DCDC1: variants seen among roughly 807,000 people sequenced by gnomAD.
DCDC1 encodes the protein doublecortin domain containing 1.
A neutral mutation model predicts 178.3 loss-of-function variants in DCDC1; 200 were observed. The observed-to-expected ratio is 1.12, with a 90% CI of 1.00 to 1.26. DCDC1 has a LOEUF of 1.26. Among genes scored for constraint, DCDC1 ranks in the 50% most tolerant of loss-of-function variants. The pLI, the probability that DCDC1 is intolerant of heterozygous loss-of-function variation, is 0.00. For missense variants in DCDC1, 1,983 were observed against 1,749.2 expected (o/e 1.13, Z -2.38); for synonymous variants, 690 against 604.8 (o/e 1.14, Z -2.07).
At chr11:31,035,573 C>T (rs1336432408) in intron 20 of DCDC1, among the ~76,000 whole-genome samples, 1 of 152,224 alleles carries the variant, frequency 6.6e-6, no homozygotes, top group Non-Finnish European at 1.5e-5. Flanking sequence ...CCCTTCTCAT[C>T]CCATCGTCTC....
chr11:31,265,870 C>A (rs1451853492), intron 7 of DCDC1, among the ~76,000 whole-genome samples: 1 of 148,734 alleles, frequency 6.7e-6, no homozygotes, highest in Non-Finnish European at 1.5e-5. Context: ...TATTTAATAT[C>A]TATTATTTAT....
At chr11:31,324,420 A>T (rs1949540378) in intron 3 of DCDC1, among the ~76,000 whole-genome samples, 1 of 152,104 alleles carries the variant, frequency 6.6e-6, no homozygotes, top group Admixed American at 6.5e-5. Flanking sequence ...CTTTTCCAGA[A>T]GAAATTTAAA....
At chr11:31,332,471 A>G (rs562558003) in intron 2 of DCDC1, among the ~76,000 whole-genome samples, 24 of 152,220 alleles carry the variant, frequency 1.6e-4, no homozygotes, top group African/African-American at 5.3e-4. Context: ...TTGTGATGTT[A>G]GGGTGTCAAT....
Position 31,212,818 on chromosome 11 carries a change from T to G in DCDC1, c.1221+28632A>C, listed in dbSNP as rs907295334. ...TCATATTCAGTATTACTAGCAAAAA[T>G]ATACAAAACTGTGTACAAGGACATT... On this transcript the variant is annotated intron_variant, in intron 9 of 38. Coordinates refer to ENST00000684477, the MANE Select transcript of DCDC1 (RefSeq NM_001387274.1). Among the ~76,000 whole-genome samples, 3 of 152,138 alleles carry G rather than the reference T, an allele frequency of 2.0e-5. No individual in the cohort carries two copies. In the South Asian group the frequency reaches 6.2e-4, roughly 31 times the overall value.
intron 10 of DCDC1, among the ~76,000 whole-genome samples, chr11:31,130,378 T>C (rs185966074): frequency 1.3e-5 from 2 of 152,302 alleles, no homozygotes; most frequent in East Asian, 1.9e-4. Flanking sequence ...AAGTAACATA[T>C]GCCACTTCTT....
rs1274195170 is a variant in DCDC1 at position 31,052,568 on chromosome 11, ATGGAACT to A, written c.2591+11894_2591+11900del. Among the ~76,000 whole-genome samples, 16 of 152,310 alleles carry A rather than the reference ATGGAACT, an allele frequency of 1.1e-4. No homozygotes were observed. In the East Asian group the frequency reaches 2.9e-3, roughly 28 times the overall value. On this transcript the variant is annotated intron_variant, in intron 20 of 38. Transcript: ENST00000684477. ...GAATACACATTCCATTCAACAGTGC[ATGGAACT>A]TTCACCAGGATAGACCATATGATAG...
At chr11:31,031,469 C>G (rs1205700139) in intron 20 of DCDC1, among the ~76,000 whole-genome samples, 1 of 152,094 alleles carries the variant, frequency 6.6e-6, no homozygotes, top group East Asian at 1.9e-4. Context: ...ATTGTAATAA[C>G]TTCAATTTTT....
intron 21 of DCDC1, among the ~76,000 whole-genome samples, chr11:30,946,656 G>A (rs544045850): frequency 1.3e-5 from 2 of 152,274 alleles, no homozygotes; most frequent in Admixed American, 6.5e-5. Context: ...TGATTTTTAA[G>A]AGGAAAGAAT....
At chr11:31,310,668 A>G (rs1457001517) in intron 3 of DCDC1, among the ~76,000 whole-genome samples, 2 of 151,988 alleles carry the variant, frequency 1.3e-5, no homozygotes, top group Non-Finnish European at 2.9e-5. Flanking sequence ...GGTGTTTCAT[A>G]GCTTGTTAGG....
chr11:31,176,185 A>C (rs1029245035), intron 9 of DCDC1, among the ~76,000 whole-genome samples: 1 of 152,210 alleles, frequency 6.6e-6, no homozygotes, highest in Non-Finnish European at 1.5e-5. Flanking sequence ...TGAGAAATTC[A>C]AAAAATAGAT....
chr11:31,051,270 G>C (rs894753883), intron 20 of DCDC1, among the ~76,000 whole-genome samples: 1 of 151,964 alleles, frequency 6.6e-6, no homozygotes, highest in African/African-American at 2.4e-5. Context: ...ATCCAACAAA[G>C]ACAAAGAAAA....
At chr11:31,311,088 T>A (rs562446923) in intron 3 of DCDC1, among the ~76,000 whole-genome samples, 1 of 152,204 alleles carries the variant, frequency 6.6e-6, no homozygotes. Flanking sequence ...CCTCTATGTG[T>A]CTCCTCATTT....
At position 31,102,308 on chromosome 11, in the gene DCDC1, T is replaced by G. The variant is rs1202986012; in HGVS notation, c.1878-26A>C. On this transcript the variant is annotated intron_variant, in intron 14 of 38. Coordinates refer to ENST00000684477, the MANE Select transcript of DCDC1 (RefSeq NM_001387274.1). ...CTAAGAAAAGTAAAATACGTAATTATTTTTATTAGAATAATATGCATTTAA... is the reference window on the plus strand; with the variant it reads ...CTAAGAAAAGTAAAATACGTAATTAGTTTTATTAGAATAATATGCATTTAA... The G allele has an allele frequency of 6.1e-6, 4 of 650,902 alleles. No individual in the cohort carries two copies. The East Asian group carries it at 1.1e-4, about 18-fold the overall frequency. 40.3% of individuals were successfully genotyped at this position (650,902 alleles called of 1,614,324 possible).
chr11:30,952,423 C>A, intron 21 of DCDC1, 22 bp downstream of exon 21: 1 of 1,534,780 alleles, frequency 6.5e-7, no homozygotes, highest in Non-Finnish European at 8.8e-7. Flanking sequence ...CAATGACCAT[C>A]TCTTAAGCTA....
At chr11:31,310,308 A>ATTTTTTTTTTTTTTTTTTT (rs11407483) in intron 3 of DCDC1, among the ~76,000 whole-genome samples, 1 of 53,864 alleles carries the variant, frequency 1.9e-5, no homozygotes, top group African/African-American at 8.5e-5. Context: ...GTAATTCTTG[A>ATTTTTTTTTTTTTTTTTTT]TTTTTTTTTT....
At chr11:31,283,365 GT>G (rs71060484) in intron 7 of DCDC1, among the ~76,000 whole-genome samples, 84,557 of 147,644 alleles carry the variant, frequency 0.57, 24,476 homozygotes, top group East Asian at 0.92. Context: ...TTAAACCCAG[GT>G]TTTTTTTTTT....
chr11:31,103,604 A>C (rs1171529716), intron 14 of DCDC1, 40 bp downstream of exon 14: 1 of 740,616 alleles, frequency 1.4e-6, no homozygotes, highest in Admixed American at 1.9e-5. Flanking sequence ...GATTTGGATT[A>C]CTTTAACCAC....
chr11:31,328,627 T>A (rs927953663), intron 2 of DCDC1, among the ~76,000 whole-genome samples: 9 of 151,930 alleles, frequency 5.9e-5, no homozygotes, highest in Non-Finnish European at 1.3e-4. Flanking sequence ...TGAAACCCCG[T>A]CTCTACTAAA....
intron 9 of DCDC1, among the ~76,000 whole-genome samples, chr11:31,152,863 C>A (rs1214771886): frequency 6.6e-6 from 1 of 152,088 alleles, no homozygotes; most frequent in Non-Finnish European, 1.5e-5. Flanking sequence ...ATAATTAGTT[C>A]AGGAATGAGC....
Sources: allele counts gnomAD v4.1 joint callset (sites outside exome capture counted in the v4.1 genomes callset), GRCh38; gene constraint gnomAD v4.1.1; transcripts MANE v1.5; gene names NCBI Gene and HGNC (gene_info 2026-07-23, HGNC 2026-07-21).